DOK6: variants seen among roughly 807,000 people sequenced by gnomAD.
DOK6 encodes downstream of tyrosine kinase 6.
A neutral mutation model predicts 44.0 loss-of-function variants in DOK6; 22 were observed. The ratio of observed to expected loss-of-function variants is 0.50; its 90% confidence interval spans 0.36 to 0.71. The LOEUF is 0.71. Ranked by LOEUF, DOK6 falls within the 30% of genes least tolerant of loss-of-function variation. The probability of loss-of-function intolerance (pLI) is 0.00; values close to 1 mark genes in which losing one functional copy is unlikely to be tolerated. For missense variants in DOK6, 340 were observed against 416.4 expected (o/e 0.82, Z 1.60); for synonymous variants, 166 against 145.5 (o/e 1.14, Z -1.01).
At chr18:69,587,129 G>T (rs1983521606) in intron 2 of DOK6, among the ~76,000 whole-genome samples, 1 of 152,062 alleles carries the variant, frequency 6.6e-6, no homozygotes, top group Admixed American at 6.5e-5. Flanking sequence ...CATAATCTGT[G>T]TCATTGTAGT....
At chr18:69,663,875 G>A (rs1985590828) in intron 3 of DOK6, among the ~76,000 whole-genome samples, 1 of 152,010 alleles carries the variant, frequency 6.6e-6, no homozygotes, top group South Asian at 2.1e-4. Flanking sequence ...GCTTTAGAGG[G>A]CTCCAAACAC....
chr18:69,835,219 T>A (rs775149625), intron 7 of DOK6, among the ~76,000 whole-genome samples: 6 of 152,044 alleles, frequency 3.9e-5, no homozygotes, highest in Non-Finnish European at 7.4e-5. Flanking sequence ...TTCCAGCACT[T>A]TGGGAGGCCG....
At chr18:69,659,188 C>A (rs930444435) in intron 3 of DOK6, among the ~76,000 whole-genome samples, 8 of 152,190 alleles carry the variant, frequency 5.3e-5, no homozygotes, top group African/African-American at 1.7e-4. Flanking sequence ...CAGCATTTAA[C>A]CTTCATGGTC....
chr18:69,546,062 A>T (rs1297220341), intron 1 of DOK6, among the ~76,000 whole-genome samples: 14 of 151,262 alleles, frequency 9.3e-5, no homozygotes, highest in Non-Finnish European at 1.3e-4. Context: ...CGGATCACTT[A>T]AGGTTGGGAG....
At chr18:69,550,211 G>GTT (rs879587894) in intron 1 of DOK6, among the ~76,000 whole-genome samples, 2,831 of 148,954 alleles carry the variant, frequency 0.019, 57 homozygotes, top group Middle Eastern at 0.035. Context: ...AAGAAGCAAA[G>GTT]CCATCATTTT....
chr18:69,825,177 T>C (rs190609234), intron 7 of DOK6, among the ~76,000 whole-genome samples: 1 of 152,294 alleles, frequency 6.6e-6, no homozygotes, highest in African/African-American at 2.4e-5. Flanking sequence ...ACAAAAAGAC[T>C]CGAACAAACA....
intron 3 of DOK6, among the ~76,000 whole-genome samples, chr18:69,671,049 G>A (rs185248323): frequency 6.6e-6 from 1 of 152,040 alleles, no homozygotes; most frequent in Non-Finnish European, 1.5e-5. Flanking sequence ...TCATTTACTG[G>A]TGTCCATTTC....
At chr18:69,830,580 A>T (rs539141354) in intron 7 of DOK6, among the ~76,000 whole-genome samples, 1 of 152,216 alleles carries the variant, frequency 6.6e-6, no homozygotes, top group African/African-American at 2.4e-5. Context: ...TAAAACTTTG[A>T]GAAAATAAAT....
At chr18:69,496,346 C>T (rs2144544368) in intron 1 of DOK6, among the ~76,000 whole-genome samples, 1 of 152,356 alleles carries the variant, frequency 6.6e-6, no homozygotes, top group South Asian at 2.1e-4. Flanking sequence ...GTTCCCACCC[C>T]ACCAACTCGG....
Position 69,767,764 on chromosome 18 carries a change from G to C in DOK6, c.856+9891G>C, listed in dbSNP as rs141366248. On this transcript the variant is annotated intron_variant, in intron 7 of 7. Coordinates refer to ENST00000382713, the MANE Select transcript of DOK6 (RefSeq NM_152721.6). ...CTCTCACAGTGCATTCTACTGGCTGGACTAGAGGCGAGCAACAAGATTTAC... is the reference window on the plus strand; with the variant it reads ...CTCTCACAGTGCATTCTACTGGCTGCACTAGAGGCGAGCAACAAGATTTAC... 5.2e-3 allele frequency among the ~76,000 whole-genome samples: 799 copies of C among 152,280 alleles called. 4 individuals carry two copies. Among genetic ancestry groups the C allele is most frequent in the African/African-American group, 0.017 (711 of 41,556 alleles).
At chr18:69,757,729 C>A in intron 6 of DOK6, 27 bp from the exon 7 acceptor site, 1 of 1,579,684 alleles carries the variant, frequency 6.3e-7, no homozygotes, top group Admixed American at 1.7e-5. Flanking sequence ...TAAAACGAGG[C>A]CTAAAACACA....
chr18:69,814,656 G>A (rs554647319), intron 7 of DOK6, among the ~76,000 whole-genome samples: 4 of 152,318 alleles, frequency 2.6e-5, no homozygotes, highest in African/African-American at 9.6e-5. Flanking sequence ...AATCATGGTG[G>A]AAGGTGAGGA....
At chr18:69,511,402 T>C (rs903061572) in intron 1 of DOK6, among the ~76,000 whole-genome samples, 1 of 152,166 alleles carries the variant, frequency 6.6e-6, no homozygotes, top group East Asian at 1.9e-4. Context: ...CTAATAATTA[T>C]TATACTTGCC....
intron 3 of DOK6, among the ~76,000 whole-genome samples, chr18:69,659,396 T>C (rs1399990374): frequency 6.6e-6 from 1 of 152,240 alleles, no homozygotes; most frequent in African/African-American, 2.4e-5. Flanking sequence ...CTACATGCTG[T>C]GGTTTTGCAA....
chr18:69,529,178 G>T (rs1981918389), intron 1 of DOK6, among the ~76,000 whole-genome samples: 1 of 152,170 alleles, frequency 6.6e-6, no homozygotes. Flanking sequence ...ACCGGAATAG[G>T]AGTGATATAC....
At chr18:69,637,696 A>T in intron 3 of DOK6, among the ~76,000 whole-genome samples, 1 of 151,960 alleles carries the variant, frequency 6.6e-6, no homozygotes, top group East Asian at 1.9e-4. Context: ...AAGTTTTAAA[A>T]GACAACTTCT....
At chr18:69,451,685 A>G (rs1179309295) in intron 1 of DOK6, among the ~76,000 whole-genome samples, 2 of 88,878 alleles carry the variant, frequency 2.3e-5, no homozygotes, top group Non-Finnish European at 4.3e-5. Context: ...CAGCAAATGT[A>G]AAAGAACAGA....
At chr18:69,671,502 G>C (rs1471078749) in intron 3 of DOK6, among the ~76,000 whole-genome samples, 1 of 152,162 alleles carries the variant, frequency 6.6e-6, no homozygotes, top group African/African-American at 2.4e-5. Context: ...AATTAGAAGA[G>C]TTTATGCAAA....
intron 1 of DOK6, chr18:69,469,443 C>CTTTT (rs71176968): frequency 6.8e-6 from 1 of 146,268 alleles, no homozygotes; most frequent in African/African-American, 2.5e-5. Flanking sequence ...ATAATTACGG[C>CTTTT]TTTTTTTTTT....
Sources: allele counts gnomAD v4.1 joint callset (sites outside exome capture counted in the v4.1 genomes callset), GRCh38; gene constraint gnomAD v4.1.1; transcripts MANE v1.5; gene names NCBI Gene and HGNC (gene_info 2026-07-23, HGNC 2026-07-21).